Variants in SCO2 observed in about 807,000 individuals in gnomAD.
SCO2 encodes cytochrome c oxidase assembly factor SCO2.
For missense variants in SCO2, 429 were observed against 348.7 expected (o/e 1.23, Z -1.83); for synonymous variants, 195 against 148.6 (o/e 1.31, Z -2.27).
In SCO2 at chr22:50,523,675, G is replaced by A. The variant is rs139003628; in HGVS notation, c.737C>T (p.Ser246Leu). 2.5e-6 allele frequency: 4 copies of A among 1,614,094 alleles called. No individual in the cohort carries two copies. Among genetic ancestry groups the A allele is most frequent in the Non-Finnish European group, 1.7e-6 (2 of 1,180,014 alleles). ...CACACTGTCTGAGATCTGCTCAGCCGATCTGCTCCGGCCGTAGTAATCCGT... is the reference window on the plus strand; with the variant it reads ...CACACTGTCTGAGATCTGCTCAGCCAATCTGCTCCGGCCGTAGTAATCCGT... ...LFTDYYGRSR[S>L]AEQISDSVRR... The change falls in exon 2 of 2, where the codon TCG becomes TTG. Residue 246 changes from serine (S) to leucine (L), a missense_variant. Coordinates refer to ENST00000395693, the MANE Select transcript of SCO2 (RefSeq NM_005138.3).
At chr22:50,525,745 G>T (rs1410202104), upstream of SCO2, 1 of 1,607,752 alleles carries the variant, frequency 6.2e-7, no homozygotes, top group South Asian at 1.1e-5. Flanking sequence ...CCCAAGCACT[G>T]ACAAGGTTTC....
Position 50,523,956 on chromosome 22 carries a change from T to C in SCO2, c.456A>G (p.Glu152=), listed in dbSNP as rs536037216. The C allele has an allele frequency of 8.1e-6, 13 of 1,612,434 alleles. No individual in the cohort carries two copies. The highest frequency in any genetic ancestry group is 2.2e-5 in the South Asian group (2 of 91,068). The change falls in exon 2 of 2, where the codon GAA becomes GAG. Residue 152 remains glutamate, a synonymous_variant. Transcript: ENST00000395693. ...EKLVQVVRQL[E]AEPGLPPVQP... is the part of the protein sequence containing the mutation. ...GCACTGGAGGCAAACCAGGCTCTGC[T>C]TCCAGCTGCCGCACCACCTGCACCA... is the stretch of plus-strand genomic sequence containing the variant.
At chr22:50,524,847 C>A in intron 1 of SCO2, 1 of 364,288 alleles carries the variant, frequency 2.7e-6, no homozygotes, top group Non-Finnish European at 5.5e-6. Context: ...CCTGTTACCT[C>A]CAGCCACTTC....
chr22:50,523,926 A>G lies in SCO2; in HGVS notation c.486T>C (p.Pro162=), dbSNP rs2069203559. 2 of 1,613,000 alleles carry G rather than the reference A, an allele frequency of 1.2e-6. No homozygotes were observed. Among genetic ancestry groups the G allele is most frequent in the Middle Eastern group, 1.6e-4 (1 of 6,080 alleles). ...GCTCGGGGTCCACAGTGATGAAGAC[A>G]GGCTGCACTGGAGGCAAACCAGGCT... ...EAEPGLPPVQ[P]VFITVDPERD... The change falls in exon 2 of 2, where the codon CCT becomes CCC. Residue 162 remains proline (P), a synonymous_variant. Coordinates refer to ENST00000395693, the MANE Select transcript of SCO2 (RefSeq NM_005138.3).
chr22:50,524,225 T>G lies in SCO2; in HGVS notation c.187A>C (p.Ile63Leu). 6.2e-7 allele frequency: 1 copy of G among 1,607,726 alleles called. No individual in the cohort carries two copies. The change falls in exon 2 of 2, where the codon ATC (isoleucine) becomes CTC (leucine). Residue 63 changes from isoleucine to leucine, a missense_variant. Physicochemically the swap from Ile to Leu is conservative, Grantham distance 5. Coordinates refer to ENST00000395693, the MANE Select transcript of SCO2 (RefSeq NM_005138.3). ...AGTCCAGCCCCGAACAGGCCTGTGA[T>G]CAGCAGCCGGGTTCGAAGCCCAGGG... ...QGPGLRTRLL[I>L]TGLFGAGLGG...
At chr22:50,526,000 C>A, upstream of SCO2, 1 of 1,432,928 alleles carries the variant, frequency 7.0e-7, no homozygotes, top group South Asian at 1.4e-5. Flanking sequence ...GCGGCGCTCA[C>A]CACGGCGCAG....
chr22:50,525,965 G>C, upstream of SCO2: 2 of 1,391,266 alleles, frequency 1.4e-6, no homozygotes, highest in Non-Finnish European at 1.8e-6. Flanking sequence ...GAGCTGGGCG[G>C]GGGTGCGGGG....
chr22:50,525,982 G>A, upstream of SCO2: 1 of 1,398,290 alleles, frequency 7.2e-7, no homozygotes, highest in Non-Finnish European at 9.2e-7. Flanking sequence ...GGGGCCAGCA[G>A]GGCGGGGGCG....
At position 50,525,514 on chromosome 22, in the gene SCO2, A is replaced by C; in HGVS notation, c.-56T>G. 6.1e-5 allele frequency: 33 copies of C among 544,358 alleles called. No homozygotes were observed. Among genetic ancestry groups the C allele is most frequent in the East Asian group, 1.0e-4 (3 of 28,750 alleles). 33.7% of individuals were successfully genotyped at this position (544,358 alleles called of 1,614,324 possible). A position where few individuals can be genotyped will look rare whatever the true frequency, so the allele number is the denominator to read the frequency against. On this transcript the variant is annotated 5_prime_UTR_variant, in exon 1 of 2. Coordinates refer to ENST00000395693, the MANE Select transcript of SCO2 (RefSeq NM_005138.3). ...CGTCAGTGGACCAAGCACGAGAGGA[A>C]GCGCCGACCTCCAGCTCCCTGCGCT...
chr22:50,526,008 C>G, upstream of SCO2: 1 of 1,449,240 alleles, frequency 6.9e-7, no homozygotes, highest in Non-Finnish European at 9.0e-7. Flanking sequence ...CACCACGGCG[C>G]AGCCTCTGAC....
upstream of SCO2, chr22:50,526,346 A>G: frequency 6.4e-7 from 1 of 1,556,830 alleles, no homozygotes; most frequent in South Asian, 1.2e-5. Context: ...CCAGACCGGG[A>G]TCCACGCCCT....
upstream of SCO2, chr22:50,526,419 CG>C: frequency 6.6e-7 from 1 of 1,507,924 alleles, no homozygotes; most frequent in Non-Finnish European, 8.8e-7. Context: ...CGCGGCCACC[CG>C]GGCAGCGCCC....
At chr22:50,525,185 G>A (rs996470700) in intron 1 of SCO2, among the ~76,000 whole-genome samples, 2 of 152,220 alleles carry the variant, frequency 1.3e-5, no homozygotes, top group African/African-American at 4.8e-5. Flanking sequence ...ACCCCCGCCC[G>A]GGCGGTTCTG....
Position 50,523,600 on chromosome 22 carries a change from A to T in SCO2, c.*11T>A, listed in dbSNP as rs778774488. On this transcript the variant is annotated 3_prime_UTR_variant, in exon 2 of 2. Coordinates refer to ENST00000395693, the MANE Select transcript of SCO2 (RefSeq NM_005138.3). ...CAGCCCGTTTAATGATGGGGCCCAGACTGCAGTGGCTCAAGACAGGACACT... is the reference window on the plus strand; with the variant it reads ...CAGCCCGTTTAATGATGGGGCCCAGTCTGCAGTGGCTCAAGACAGGACACT... 9.9e-6 allele frequency: 16 copies of T among 1,612,672 alleles called. 1 individual carries two copies. The South Asian group carries it at 1.6e-4, about 17-fold the overall frequency.
At position 50,524,316 on chromosome 22, in the gene SCO2, A is replaced by G. The variant is rs778685287; in HGVS notation, c.96T>C (p.His32=). 3.1e-6 allele frequency: 5 copies of G among 1,601,964 alleles called. No individual in the cohort carries two copies. The highest frequency in any genetic ancestry group is 4.2e-6 in the Non-Finnish European group (5 of 1,179,788). ...LPGTLGGQAL[H]LRSWLLSRQG... is the part of the protein sequence containing the mutation. ...GCCTTGACAAAAGCCAGGACCTCAG[A>G]TGCAGGGCCTGGCCTCCCAGGGTCC... is the stretch of plus-strand genomic sequence containing the variant. The change falls in exon 2 of 2, where the codon CAT becomes CAC. Residue 32 remains histidine (H), a synonymous_variant. Coordinates refer to ENST00000395693, the MANE Select transcript of SCO2 (RefSeq NM_005138.3).
chr22:50,526,264 G>T, upstream of SCO2: 1 of 1,538,442 alleles, frequency 6.5e-7, no homozygotes, highest in Non-Finnish European at 8.7e-7. Flanking sequence ...GGCGCCAGCA[G>T]CTCCTCCTGC....
chr22:50,524,442 C>G lies in SCO2; in HGVS notation c.-13-18G>C, dbSNP rs377135647. On this transcript the variant is annotated intron_variant, in intron 1 of 1. Transcript: ENST00000395693. ...TGATGCTCCTGGAAACAAGCACAGG[C>G]GTCAGGAGCCAGAAGGGAAGGCCCA... is the stretch of plus-strand genomic sequence containing the variant. 1 of 1,607,064 alleles carries G rather than the reference C, an allele frequency of 6.2e-7. No homozygotes were observed. Among genetic ancestry groups the G allele is most frequent in the East Asian group, 2.2e-5 (1 of 44,622 alleles).
At chr22:50,524,766 C>T (rs2069260610) in intron 1 of SCO2, 3 of 459,926 alleles carry the variant, frequency 6.5e-6, no homozygotes, top group Non-Finnish European at 8.7e-6. Context: ...GCAATAAACC[C>T]ATTTCTTAAA....
chr22:50,525,498 A>C lies in SCO2; in HGVS notation c.-40T>G. 1.9e-6 allele frequency: 1 copy of C among 526,424 alleles called. No individual in the cohort carries two copies. The allele number at this position is 526,424 out of a possible 1,614,324, so 32.6% of individuals were successfully genotyped here. A position where few individuals can be genotyped will look rare whatever the true frequency, so the allele number is the denominator to read the frequency against. On this transcript the variant is annotated 5_prime_UTR_variant, in exon 1 of 2. Coordinates refer to ENST00000395693, the MANE Select transcript of SCO2 (RefSeq NM_005138.3). ...TCGCGGCGGGGCCGCGCGTCAGTGG[A>C]CCAAGCACGAGAGGAAGCGCCGACC... is the stretch of plus-strand genomic sequence containing the variant.
Sources: allele counts gnomAD v4.1 joint callset (sites outside exome capture counted in the v4.1 genomes callset), GRCh38; gene constraint gnomAD v4.1.1; transcripts MANE v1.5; gene names NCBI Gene and HGNC (gene_info 2026-07-23, HGNC 2026-07-21).